Variants in DNAH12 observed in about 807,000 individuals in gnomAD.
DNAH12 encodes the protein dynein axonemal heavy chain 12, also known as axonemal beta dynein heavy chain 12.
DNAH12 carries 285 observed loss-of-function variants against 371.5 expected under a neutral mutation model. The observed-to-expected ratio is 0.77, with a 90% CI of 0.70 to 0.85. The LOEUF (loss-of-function observed/expected upper bound fraction) is 0.85, where lower values mean the gene tolerates loss of function less well. Ranked by LOEUF, DNAH12 falls within the 40% of genes least tolerant of loss-of-function variation. The pLI, the probability that DNAH12 is intolerant of heterozygous loss-of-function variation, is 0.00. For missense variants in DNAH12, 3,611 were observed against 3,689.4 expected (o/e 0.98, Z 0.55); for synonymous variants, 1,200 against 1,213.0 (o/e 0.99, Z 0.22).
intron 65 of DNAH12, among the ~76,000 whole-genome samples, chr3:57,315,804 C>T (rs908547582): frequency 6.6e-6 from 1 of 152,102 alleles, no homozygotes; most frequent in Admixed American, 6.6e-5. Context: ...TTGAAGGTTG[C>T]CCCTGGGGTT....
In DNAH12 at chr3:57,453,115, T is replaced by C. The variant is rs907714333; in HGVS notation, c.3614-100A>G. ...TATAACAGCAAATACTAAAAATAAT[T>C]CATGTTTGCCAACTTATAAAAAAGA... On this transcript the variant is annotated intron_variant, in intron 24 of 73. Coordinates refer to ENST00000495027, the MANE Select transcript of DNAH12 (RefSeq NM_001366028.2). 19 of 1,460,536 alleles carry C rather than the reference T, an allele frequency of 1.3e-5. No individual in the cohort carries two copies. The South Asian group carries it at 2.3e-4, about 18-fold the overall frequency. 90.5% of individuals were successfully genotyped at this position (1,460,536 alleles called of 1,614,324 possible).
intron 60 of DNAH12, among the ~76,000 whole-genome samples, chr3:57,335,932 TTAGAG>T (rs1446551098): frequency 6.6e-6 from 1 of 152,190 alleles, no homozygotes; most frequent in African/African-American, 2.4e-5. Flanking sequence ...TAACATAGCC[TTAGAG>T]TAAAGGTTAC....
intron 29 of DNAH12, among the ~76,000 whole-genome samples, chr3:57,437,980 A>C (rs1003539548): frequency 6.6e-6 from 1 of 152,182 alleles, no homozygotes; most frequent in Non-Finnish European, 1.5e-5. Flanking sequence ...AGCTACCTGA[A>C]ATAGGGAAAA....
intron 43 of DNAH12, among the ~76,000 whole-genome samples, chr3:57,394,615 T>C (rs1213316190): frequency 1.3e-5 from 2 of 152,246 alleles, no homozygotes; most frequent in Non-Finnish European, 2.9e-5. Context: ...GGGACTGAGA[T>C]AGACTTGAAA....
intron 58 of DNAH12, among the ~76,000 whole-genome samples, chr3:57,362,928 C>G (rs2062969240): frequency 6.6e-6 from 1 of 152,288 alleles, no homozygotes; most frequent in African/African-American, 2.4e-5. Context: ...GTGTTTTAGT[C>G]ATGAAGTCCT....
intron 1 of DNAH12, among the ~76,000 whole-genome samples, chr3:57,543,989 G>T (rs2069415113): frequency 6.6e-6 from 1 of 152,178 alleles, no homozygotes. Context: ...AGAGGTTGCA[G>T]TGAGCTGAGA....
intron 60 of DNAH12, among the ~76,000 whole-genome samples, chr3:57,350,247 G>T (rs1011532910): frequency 1.3e-5 from 2 of 152,060 alleles, no homozygotes; most frequent in Non-Finnish European, 2.9e-5. Context: ...ACTTATTCAT[G>T]TAACCAAACA....
chr3:57,407,537 G>T (rs1471827483), intron 40 of DNAH12, among the ~76,000 whole-genome samples: 1 of 152,170 alleles, frequency 6.6e-6, no homozygotes, highest in African/African-American at 2.4e-5. Flanking sequence ...GGAAATGGAT[G>T]GAAGGATTCT....
intron 17 of DNAH12, among the ~76,000 whole-genome samples, chr3:57,466,800 C>T (rs192640136): frequency 1.3e-5 from 2 of 152,088 alleles, no homozygotes; most frequent in Non-Finnish European, 2.9e-5. Flanking sequence ...CCCAGGAGTG[C>T]GGCAGTATAA....
intron 27 of DNAH12, among the ~76,000 whole-genome samples, chr3:57,445,785 A>G (rs1008120723): frequency 3.3e-5 from 5 of 151,950 alleles, no homozygotes; most frequent in African/African-American, 1.2e-4. Context: ...TCAGGAGATC[A>G]AGACCATCCT....
In DNAH12 at chr3:57,404,719, CA is replaced by C. The variant is rs1159463206; in HGVS notation, c.6755+249del. Among the ~76,000 whole-genome samples, 10 of 151,024 alleles carry C rather than the reference CA, an allele frequency of 6.6e-5. No homozygotes were observed. In the East Asian group the frequency reaches 1.7e-3, roughly 26 times the overall value. On this transcript the variant is annotated intron_variant, in intron 42 of 73. Coordinates refer to ENST00000495027, the MANE Select transcript of DNAH12 (RefSeq NM_001366028.2). ...TGGGCAACAGAGCAAGACTCAGTCT[CA>C]AAAAAAAGAAAAAGAAAAAAGAAAC...
At chr3:57,463,991 G>A (rs921412246) in intron 17 of DNAH12, among the ~76,000 whole-genome samples, 3 of 151,960 alleles carry the variant, frequency 2.0e-5, no homozygotes, top group East Asian at 1.9e-4. Flanking sequence ...TAAGAGAATC[G>A]GACTTCCACA....
chr3:57,472,930 G>A (rs1272031504), intron 13 of DNAH12, among the ~76,000 whole-genome samples: 2 of 152,020 alleles, frequency 1.3e-5, no homozygotes, highest in Non-Finnish European at 2.9e-5. Flanking sequence ...AGTTGATTTA[G>A]CATAAAGGAA....
intron 34 of DNAH12, among the ~76,000 whole-genome samples, chr3:57,427,468 A>G (rs1419732493): frequency 6.6e-6 from 1 of 151,760 alleles, no homozygotes; most frequent in Non-Finnish European, 1.5e-5. Flanking sequence ...GGGTGGATCA[A>G]CTGAGGTCAG....
intron 2 of DNAH12, among the ~76,000 whole-genome samples, chr3:57,525,348 A>G (rs758279913): frequency 6.6e-6 from 1 of 152,100 alleles, no homozygotes; most frequent in Non-Finnish European, 1.5e-5. Flanking sequence ...TCAGAATAGC[A>G]TATTTGGAAA....
intron 4 of DNAH12, 123 bp downstream of exon 4, chr3:57,523,460 A>T: frequency 1.3e-6 from 1 of 754,800 alleles, no homozygotes; most frequent in Non-Finnish European, 2.0e-6. Flanking sequence ...AGAAAATAAA[A>T]ACCTCAGTTT....
intron 2 of DNAH12, among the ~76,000 whole-genome samples, chr3:57,537,418 T>C (rs1470207655): frequency 2.0e-5 from 3 of 152,150 alleles, no homozygotes; most frequent in African/African-American, 7.2e-5. Flanking sequence ...TGATACTGGC[T>C]CAGCCAAGCA....
intron 55 of DNAH12, 111 bp from the exon 56 acceptor site, chr3:57,368,371 A>AT (rs1367911077): frequency 3.9e-5 from 6 of 152,130 alleles, no homozygotes; most frequent in Non-Finnish European, 7.3e-5. Flanking sequence ...TTTCACATAC[A>AT]TTATCAGCAT....
chr3:57,412,953 T>G (rs552057291), intron 39 of DNAH12, among the ~76,000 whole-genome samples: 27 of 152,326 alleles, frequency 1.8e-4, no homozygotes, highest in South Asian at 1.7e-3. Flanking sequence ...CTCAAAGAAG[T>G]TGACAACTTA....
Sources: gnomAD v4.1 joint callset for allele counts (sites outside exome capture counted in the v4.1 genomes callset) on GRCh38, gnomAD v4.1.1 for gene constraint, MANE v1.5 for transcripts, NCBI Gene and HGNC (gene_info 2026-07-23, HGNC 2026-07-21) for gene names.